Variants in LSAMP observed in about 807,000 individuals in gnomAD.
LSAMP encodes the protein limbic system associated membrane protein.
Under a neutral mutation model 38.6 loss-of-function variants are expected in LSAMP, and 7 were observed. The observed-to-expected ratio is 0.18, with a 90% CI of 0.10 to 0.34. The LOEUF (loss-of-function observed/expected upper bound fraction) is 0.34, where lower values mean the gene tolerates loss of function less well. Ranked by LOEUF, LSAMP falls within the 10% of genes least tolerant of loss-of-function variation. The pLI, the probability that LSAMP is intolerant of heterozygous loss-of-function variation, is 1.00. For missense variants in LSAMP, 313 were observed against 420.0 expected (o/e 0.75, Z 2.23); for synonymous variants, 154 against 166.8 (o/e 0.92, Z 0.59).
At position 116,261,346 on chromosome 3, in the gene LSAMP, T is replaced by A. The variant is rs571402102; in HGVS notation, c.156-174790A>T. ...CCAGATTGCAGCTCACCTTACCTTATAAATAGGAGCTATAGGGTACAGGTT... is the reference window on the plus strand; with the variant it reads ...CCAGATTGCAGCTCACCTTACCTTAAAAATAGGAGCTATAGGGTACAGGTT... On this transcript the variant is annotated intron_variant, in intron 1 of 6. Coordinates refer to ENST00000490035, the MANE Select transcript of LSAMP (RefSeq NM_002338.5). 3.9e-3 allele frequency among the ~76,000 whole-genome samples: 593 copies of A among 152,296 alleles called. 5 individuals carry two copies. The highest frequency in any genetic ancestry group is 0.014 in the African/African-American group (561 of 41,538).
At chr3:116,108,128 C>T (rs1242682078) in intron 1 of LSAMP, among the ~76,000 whole-genome samples, 1 of 151,788 alleles carries the variant, frequency 6.6e-6, no homozygotes, top group Admixed American at 6.6e-5. Flanking sequence ...GATCGGTCGC[C>T]AAGGAGGGAG....
At chr3:116,256,744 T>C (rs746652348) in intron 1 of LSAMP, among the ~76,000 whole-genome samples, 15 of 152,102 alleles carry the variant, frequency 9.9e-5, no homozygotes, top group Non-Finnish European at 1.8e-4. Context: ...CACTTTTCTA[T>C]GAGTGGAATA....
intron 3 of LSAMP, among the ~76,000 whole-genome samples, chr3:115,955,149 C>T (rs1359112256): frequency 4.6e-5 from 7 of 151,838 alleles, no homozygotes; most frequent in Non-Finnish European, 7.4e-5. Context: ...TTAGCCAGGA[C>T]GGTTTCGATC....
intron 1 of LSAMP, among the ~76,000 whole-genome samples, chr3:116,221,750 G>A (rs966189855): frequency 3.9e-5 from 6 of 151,926 alleles, no homozygotes; most frequent in Non-Finnish European, 5.9e-5. Context: ...CCTCACTCTC[G>A]CCCTGGAGAG....
chr3:115,941,582 C>T (rs1470114983), intron 3 of LSAMP, among the ~76,000 whole-genome samples: 2 of 152,000 alleles, frequency 1.3e-5, no homozygotes, highest in Non-Finnish European at 2.9e-5. Flanking sequence ...GACACACACA[C>T]AGATACACAC....
chr3:116,269,185 A>T (rs1477736923), intron 1 of LSAMP, among the ~76,000 whole-genome samples: 1 of 152,106 alleles, frequency 6.6e-6, no homozygotes, highest in Non-Finnish European at 1.5e-5. Context: ...GAGATAAGTG[A>T]AAGAATTTAA....
intron 1 of LSAMP, among the ~76,000 whole-genome samples, chr3:116,298,104 G>GTCTA (rs960827225): frequency 7.2e-5 from 11 of 152,222 alleles, no homozygotes; most frequent in African/African-American, 2.4e-4. Context: ...CTAGGTGTCT[G>GTCTA]TCTATCTATC....
intron 1 of LSAMP, among the ~76,000 whole-genome samples, chr3:116,334,152 G>T (rs898879323): frequency 3.9e-5 from 6 of 151,942 alleles, no homozygotes; most frequent in African/African-American, 1.4e-4. Flanking sequence ...TAGCTGAAAT[G>T]AACAAATTTC....
At chr3:116,282,431 T>G (rs1487970401) in intron 1 of LSAMP, among the ~76,000 whole-genome samples, 1 of 152,242 alleles carries the variant, frequency 6.6e-6, no homozygotes, top group Non-Finnish European at 1.5e-5. Flanking sequence ...AGTCTGTCAT[T>G]GTAACATTCT....
chr3:116,359,358 A>T (rs764893632), intron 1 of LSAMP, among the ~76,000 whole-genome samples: 89 of 152,168 alleles, frequency 5.8e-4, no homozygotes, highest in Non-Finnish European at 8.8e-4. Flanking sequence ...TGATGATGAT[A>T]AAAAAATGCA....
intron 1 of LSAMP, among the ~76,000 whole-genome samples, chr3:116,413,919 C>CA (rs1485523700): frequency 3.4e-5 from 5 of 148,622 alleles, no homozygotes; most frequent in Non-Finnish European, 6.0e-5. Flanking sequence ...AAAAACAAAC[C>CA]AAAAAAACAG....
intron 3 of LSAMP, among the ~76,000 whole-genome samples, chr3:115,880,143 C>T (rs1042390312): frequency 2.0e-5 from 3 of 152,050 alleles, no homozygotes; most frequent in Non-Finnish European, 4.4e-5. Context: ...GTGATTTCTC[C>T]GGTGACCATT....
intron 1 of LSAMP, among the ~76,000 whole-genome samples, chr3:116,245,627 C>T (rs891070887): frequency 2.0e-5 from 3 of 152,126 alleles, no homozygotes; most frequent in Non-Finnish European, 4.4e-5. Context: ...ATTGTTCCCT[C>T]TGCATAATTT....
Position 115,808,158 on chromosome 3 carries a change from C to T in LSAMP, c.*2159G>A, listed in dbSNP as rs1933687086. On this transcript the variant is annotated 3_prime_UTR_variant, in exon 7 of 7. Transcript: ENST00000490035. The stretch of plus-strand genomic sequence containing the variant: ...CCTCCCTCCCTCCCTCCCCCCCTTC[C>T]CCGTCCCCCCCTCCCTGCCTTCCTT... 1.2e-5 allele frequency: 1 copy of T among 83,070 alleles called. No individual in the cohort carries two copies. Among genetic ancestry groups the T allele is most frequent in the Non-Finnish European group, 2.3e-5 (1 of 42,620 alleles). The allele number at this position is 83,070 out of a possible 1,614,324, so 5.1% of individuals were successfully genotyped here. A position where few individuals can be genotyped will look rare whatever the true frequency, so the allele number is the denominator to read the frequency against.
At chr3:116,192,770 T>C (rs1710783064) in intron 1 of LSAMP, among the ~76,000 whole-genome samples, 1 of 152,160 alleles carries the variant, frequency 6.6e-6, no homozygotes, top group Non-Finnish European at 1.5e-5. Context: ...TTTCCAGTGG[T>C]TTTTCTTTTG....
At position 115,885,851 on chromosome 3, in the gene LSAMP, C is replaced by G. The variant is rs1171033308; in HGVS notation, c.515-33234G>C. Among the ~76,000 whole-genome samples, 7 of 151,802 alleles carry G rather than the reference C, an allele frequency of 4.6e-5. 1 individual carries two copies. The highest frequency in any genetic ancestry group is 7.3e-5 in the African/African-American group (3 of 41,350). On this transcript the variant is annotated intron_variant, in intron 3 of 6. Transcript: ENST00000490035. ...TAAGGCTGGAGAGCCTGAAAAAAAACCATTGCCCAATGATCCCCAAAACTA... is the reference window on the plus strand; with the variant it reads ...TAAGGCTGGAGAGCCTGAAAAAAAAGCATTGCCCAATGATCCCCAAAACTA...
At chr3:116,136,111 G>A (rs1709242944) in intron 1 of LSAMP, among the ~76,000 whole-genome samples, 1 of 152,120 alleles carries the variant, frequency 6.6e-6, no homozygotes, top group African/African-American at 2.4e-5. Flanking sequence ...TACTCACACA[G>A]ATGGAACAAA....
chr3:116,239,181 T>C (rs1304559222), intron 1 of LSAMP, among the ~76,000 whole-genome samples: 2 of 152,118 alleles, frequency 1.3e-5, no homozygotes, highest in Non-Finnish European at 2.9e-5. Context: ...GGCTATGAAA[T>C]GTATAGAGTC....
At chr3:116,206,254 C>T (rs1421696184) in intron 1 of LSAMP, among the ~76,000 whole-genome samples, 2 of 149,236 alleles carry the variant, frequency 1.3e-5, no homozygotes, top group Non-Finnish European at 3.0e-5. Flanking sequence ...GTGATATCCC[C>T]TTTATCATTT....
Sources: allele counts gnomAD v4.1 joint callset (sites outside exome capture counted in the v4.1 genomes callset), GRCh38; gene constraint gnomAD v4.1.1; transcripts MANE v1.5; gene names NCBI Gene and HGNC (gene_info 2026-07-23, HGNC 2026-07-21).